The following KAZN variants were observed in gnomAD, a reference collection of about 807,000 sequenced individuals.
The protein encoded by KAZN is kazrin.
In KAZN, 40 loss-of-function variants were observed where a neutral mutation model predicts 87.4. That is an observed-to-expected ratio of 0.46 (90% CI 0.36 to 0.60). The LOEUF (loss-of-function observed/expected upper bound fraction) is 0.60. Ranked by LOEUF, KAZN falls within the 20% of genes least tolerant of loss-of-function variation. KAZN has a pLI of 0.00. For missense variants in KAZN, 898 were observed against 1,073.9 expected (o/e 0.84, Z 2.29); for synonymous variants, 466 against 458.3 (o/e 1.02, Z -0.22).
chr1:14,973,982 T>C (rs1045204553), intron 2 of KAZN, among the ~76,000 whole-genome samples: 1 of 152,026 alleles, frequency 6.6e-6, no homozygotes, highest in Admixed American at 6.6e-5. Flanking sequence ...AGGTTCTCTG[T>C]GGTGTCAGTA....
At chr1:13,947,803 T>C (rs1020750692) in intron 1 of KAZN, among the ~76,000 whole-genome samples, 1 of 152,208 alleles carries the variant, frequency 6.6e-6, no homozygotes, top group Non-Finnish European at 1.5e-5. Flanking sequence ...CGTCTGTGTG[T>C]GCCTGTGTCC....
At chr1:14,001,932 C>G (rs1018573781) in intron 1 of KAZN, among the ~76,000 whole-genome samples, 3 of 152,168 alleles carry the variant, frequency 2.0e-5, no homozygotes, top group African/African-American at 7.2e-5. Flanking sequence ...ATTCAGGACA[C>G]AGACATGGGC....
intron 1 of KAZN, among the ~76,000 whole-genome samples, chr1:14,744,145 G>A (rs544193077): frequency 6.6e-6 from 1 of 152,272 alleles, no homozygotes. Flanking sequence ...TTCCTTATGT[G>A]TGGGCATCAT....
chr1:14,543,548 T>G (rs995674300), intron 2 of KAZN, among the ~76,000 whole-genome samples: 27 of 152,308 alleles, frequency 1.8e-4, no homozygotes, highest in Middle Eastern at 3.4e-3. Flanking sequence ...TATCAGCTCA[T>G]TAAAAGGTGA....
chr1:14,979,720 A>G (rs993311290), intron 2 of KAZN, among the ~76,000 whole-genome samples: 14 of 152,048 alleles, frequency 9.2e-5, no homozygotes, highest in Non-Finnish European at 5.9e-5. Context: ...ATTGGAATTG[A>G]TGTTCCTGAG....
rs537668228 is a variant in KAZN, at chr1:14,394,506, T to C, written c.250-204477T>C. On this transcript the variant is annotated intron_variant, in intron 2 of 16. Transcript: ENST00000636203. ...AGTGATGGTATTTGGTTGATACTTTTATCATTTTTATAATCTAAAGCCTTA... is the reference window on the plus strand; with the variant it reads ...AGTGATGGTATTTGGTTGATACTTTCATCATTTTTATAATCTAAAGCCTTA... Among the ~76,000 whole-genome samples the C allele has an allele frequency of 3.9e-5, 6 of 152,364 alleles. No homozygotes were observed. In the South Asian group the frequency reaches 8.3e-4, roughly 21 times the overall value.
In KAZN at chr1:15,115,482, A is replaced by G. The variant is rs575573261; in HGVS notation, c.*847A>G. On this transcript the variant is annotated 3_prime_UTR_variant, in exon 15 of 15. Transcript: ENST00000376030. The surrounding 1 kb of genome is among the most constrained non-coding windows in gnomAD (Gnocchi z 4.1). ...GTGGTTTGGCTTTACTGAGATTCCAAACCCCACTATCTGCACTCCGTGACA... is the reference window on the plus strand; with the variant it reads ...GTGGTTTGGCTTTACTGAGATTCCAGACCCCACTATCTGCACTCCGTGACA... 9.2e-5 allele frequency: 14 copies of G among 152,282 alleles called. No individual in the cohort carries two copies. In the East Asian group the frequency reaches 2.7e-3, roughly 29 times the overall value. The allele number at this position is 152,282 out of a possible 1,614,324, so 9.4% of individuals were successfully genotyped here.
At chr1:14,079,077 G>T (rs1050510266) in intron 1 of KAZN, among the ~76,000 whole-genome samples, 1 of 152,194 alleles carries the variant, frequency 6.6e-6, no homozygotes, top group African/African-American at 2.4e-5. Context: ...AAGAAAAGAG[G>T]TTCATTTGGC....
chr1:14,295,465 G>A (rs527280839), intron 2 of KAZN, among the ~76,000 whole-genome samples: 53 of 152,012 alleles, frequency 3.5e-4, no homozygotes, highest in African/African-American at 8.0e-4. Context: ...AAAGAGACTC[G>A]GGACAAAAAA....
At chr1:15,059,473 C>T (rs1638593918) in intron 5 of KAZN, among the ~76,000 whole-genome samples, 3 of 152,090 alleles carry the variant, frequency 2.0e-5, no homozygotes, top group Non-Finnish European at 4.4e-5. Flanking sequence ...ACCTCGGAGG[C>T]CAGGAGGAAG....
At chr1:13,962,682 C>A (rs570486622) in intron 1 of KAZN, among the ~76,000 whole-genome samples, 1 of 152,154 alleles carries the variant, frequency 6.6e-6, no homozygotes, top group Admixed American at 6.5e-5. Context: ...CTCAGCCTCC[C>A]ATGTAGCCAG....
intron 10 of KAZN, among the ~76,000 whole-genome samples, chr1:15,098,507 C>T (rs1286089257): frequency 6.6e-6 from 1 of 152,264 alleles, no homozygotes; most frequent in Non-Finnish European, 1.5e-5. Context: ...TCCACCCCAA[C>T]TCTTGTTGCA....
intron 2 of KAZN, among the ~76,000 whole-genome samples, chr1:14,986,544 G>A (rs1349789408): frequency 6.6e-6 from 1 of 152,186 alleles, no homozygotes; most frequent in Non-Finnish European, 1.5e-5. Flanking sequence ...CCGCAGTCCT[G>A]CTTGGTGCCA....
rs911132110 is a variant in KAZN at position 14,365,864 on chromosome 1, G to C, written c.249+185272G>C. Among the ~76,000 whole-genome samples the C allele has an allele frequency of 3.3e-5, 5 of 152,334 alleles. No individual in the cohort carries two copies. In the South Asian group the frequency reaches 1.0e-3, roughly 32 times the overall value. On this transcript the variant is annotated intron_variant, in intron 2 of 16. Coordinates refer to the KAZN transcript ENST00000636203. ...GCTAATACAGCAGTTAGGTCATAAA[G>C]TGTAGATAGATATTCCTCTTATGGC...
intron 2 of KAZN, among the ~76,000 whole-genome samples, chr1:14,375,039 G>A (rs934684260): frequency 6.6e-6 from 1 of 152,106 alleles, no homozygotes; most frequent in Non-Finnish European, 1.5e-5. Context: ...GCTTGGCTTG[G>A]GAATCTGTTG....
At position 14,886,408 on chromosome 1, in the gene KAZN, A is replaced by G. The variant is rs556000763; in HGVS notation, c.227-74276A>G. ...ACTGTACTCCAGCCTGGATGAACGC[A>G]TGAGGCCTTGTCTCTATACACACAC... is the stretch of plus-strand genomic sequence containing the variant. On this transcript the variant is annotated intron_variant, in intron 1 of 14. Transcript: ENST00000376030. 2.9e-3 allele frequency among the ~76,000 whole-genome samples: 437 copies of G among 151,942 alleles called. 3 individuals are homozygous for G. The highest frequency in any genetic ancestry group is 4.9e-3 in the Non-Finnish European group (330 of 67,938).
chr1:14,365,380 G>GGGC (rs1553162558), intron 2 of KAZN, among the ~76,000 whole-genome samples: 1 of 135,938 alleles, frequency 7.4e-6, no homozygotes, highest in Non-Finnish European at 1.6e-5. Flanking sequence ...GGGGGGGGGG[G>GGGC]GGTCTTTCAA....
At chr1:14,888,708 T>C (rs1342123535) in intron 1 of KAZN, among the ~76,000 whole-genome samples, 1 of 152,178 alleles carries the variant, frequency 6.6e-6, no homozygotes, top group African/African-American at 2.4e-5. Flanking sequence ...GGATCACTTA[T>C]GCCGCCGTGA....
At chr1:14,238,957 G>A (rs1420727124) in intron 2 of KAZN, among the ~76,000 whole-genome samples, 1 of 152,198 alleles carries the variant, frequency 6.6e-6, no homozygotes, top group African/African-American at 2.4e-5. Flanking sequence ...GATAGCTGAG[G>A]ACTGTGGTTT....
Sources: gnomAD v4.1 joint callset for allele counts (sites outside exome capture counted in the v4.1 genomes callset) on GRCh38, gnomAD v4.1.1 for gene constraint, Gnocchi (gnomAD v3.1) non-coding constraint, MANE v1.5 for transcripts, NCBI Gene and HGNC (gene_info 2026-07-23, HGNC 2026-07-21) for gene names.